The following BLOC1S5 variants were observed in gnomAD, a reference collection of about 807,000 sequenced individuals.
BLOC1S5 encodes the protein biogenesis of lysosomal organelles complex 1 subunit 5.
A neutral mutation model predicts 24.3 loss-of-function variants in BLOC1S5; 27 were observed. That is an observed-to-expected ratio of 1.11 (90% confidence interval 0.82 to 1.53). BLOC1S5 has a LOEUF of 1.53. Among genes scored for constraint, BLOC1S5 ranks in the 40% most tolerant of loss-of-function variants. The pLI is 0.00. For missense variants in BLOC1S5, 239 were observed against 229.4 expected, an observed-to-expected ratio of 1.04 and a Z score of -0.27; for synonymous variants, 84 against 74.5, an observed-to-expected ratio of 1.13 and a Z score of -0.66.
rs866580833 is a variant in BLOC1S5 at position 8,015,834 on chromosome 6, A to T, written c.385-6T>A. 2 of 1,591,474 alleles carry T rather than the reference A, an allele frequency of 1.3e-6. 1 individual carries two copies. The highest frequency in any genetic ancestry group is 3.4e-4 in the Middle Eastern group (2 of 5,940). On this transcript the variant is annotated splice_polypyrimidine_tract_variant and splice_region_variant and intron_variant, in intron 4 of 4. Transcript: ENST00000397457. ...ACTAAGTGGTCACTATGAATCTGAG[A>T]AAAGAAAATTAGAAAGTCACACGAC...
chr6:8,021,348 C>G (rs376400827), intron 4 of BLOC1S5, among the ~76,000 whole-genome samples: 28 of 152,284 alleles, frequency 1.8e-4, no homozygotes, highest in African/African-American at 6.0e-4. Flanking sequence ...CCTGTAATTC[C>G]AGCACTTTGG....
intron 4 of BLOC1S5, among the ~76,000 whole-genome samples, chr6:8,023,810 G>A (rs1011277001): frequency 6.6e-6 from 1 of 152,130 alleles, no homozygotes; most frequent in Non-Finnish European, 1.5e-5. Flanking sequence ...TGACATACGT[G>A]TGTGTGCGTG....
At chr6:8,044,021 C>T (rs914564723) in intron 2 of BLOC1S5, among the ~76,000 whole-genome samples, 6 of 152,150 alleles carry the variant, frequency 3.9e-5, no homozygotes, top group African/African-American at 1.2e-4. Flanking sequence ...CGATGGCTCA[C>T]GCCTGTAATC....
intron 2 of BLOC1S5, among the ~76,000 whole-genome samples, chr6:8,047,958 T>A (rs143678153): frequency 6.6e-6 from 1 of 152,356 alleles, no homozygotes; most frequent in African/African-American, 2.4e-5. Flanking sequence ...CACTTGATTC[T>A]TTCTCCCGTA....
intron 2 of BLOC1S5, among the ~76,000 whole-genome samples, chr6:8,052,115 C>T (rs2743996): frequency 0.41 from 61,721 of 151,324 alleles, 14,480 homozygotes; most frequent in East Asian, 0.8. Context: ...TACAGGCGCC[C>T]GCCACCACGC....
intron 3 of BLOC1S5, among the ~76,000 whole-genome samples, chr6:8,028,150 A>G (rs933960250): frequency 3.4e-4 from 52 of 152,268 alleles, no homozygotes; most frequent in African/African-American, 1.2e-3. Flanking sequence ...TCCGGCCCCA[A>G]CTAGGTCACA....
chr6:8,020,464 C>T (rs537653240), intron 4 of BLOC1S5, among the ~76,000 whole-genome samples: 1 of 152,216 alleles, frequency 6.6e-6, no homozygotes, highest in African/African-American at 2.4e-5. Context: ...GGGGCCAGTT[C>T]TTCTCCCCCA....
intron 2 of BLOC1S5, among the ~76,000 whole-genome samples, chr6:8,050,955 C>T (rs567332999): frequency 2.0e-5 from 3 of 151,526 alleles, no homozygotes; most frequent in South Asian, 2.1e-4. Context: ...ATTGGGAGGC[C>T]GAGGTGGGCA....
Position 8,047,160 on chromosome 6 carries a change from TCA to T in BLOC1S5, c.196-5894_196-5893del, listed in dbSNP as rs57923927. ...AAGACCACCTCTCTCTCTCTCTCTC[TCA>T]CACACACACACACACACACACACAC... On this transcript the variant is annotated intron_variant, in intron 2 of 4. Coordinates refer to ENST00000397457, the MANE Select transcript of BLOC1S5 (RefSeq NM_201280.3). 7.6e-3 allele frequency among the ~76,000 whole-genome samples: 963 copies of T among 126,896 alleles called. 6 individuals are homozygous for T. Among genetic ancestry groups the T allele is most frequent in the African/African-American group, 0.02 (641 of 31,720 alleles). 83.2% of individuals were successfully genotyped at this position (126,896 alleles called of 152,430 possible). A position where few individuals can be genotyped will look rare whatever the true frequency, so the allele number is the denominator to read the frequency against.
intron 3 of BLOC1S5, among the ~76,000 whole-genome samples, chr6:8,039,308 T>A (rs541039315): frequency 6.6e-6 from 1 of 152,052 alleles, no homozygotes; most frequent in Non-Finnish European, 1.5e-5. Context: ...GAGGAGGGCA[T>A]GAGGAAAGGT....
rs190920450 is a variant in BLOC1S5, at chr6:8,029,952, G to A, written c.326-3527C>T. 2.2e-3 allele frequency among the ~76,000 whole-genome samples: 330 copies of A among 152,234 alleles called. 2 individuals carry two copies. The highest frequency in any genetic ancestry group is 7.4e-3 in the African/African-American group (306 of 41,546). ...ATAACTAATGCTTCAATGCCAAGAC[G>A]CAGATGTACATCCACAAGAAACAAC... On this transcript the variant is annotated intron_variant, in intron 3 of 4. Coordinates refer to ENST00000397457, the MANE Select transcript of BLOC1S5 (RefSeq NM_201280.3).
At position 8,015,774 on chromosome 6, in the gene BLOC1S5, T is replaced by C. The variant is rs34176903; in HGVS notation, c.439A>G (p.Asn147Asp). 2,693 of 1,614,178 alleles carry C rather than the reference T, an allele frequency of 1.7e-3. 33 individuals are homozygous for C. In the African/African-American group the frequency reaches 0.027, roughly 16 times the overall value. ...SEKQHMLQWD[N>D]FMKEQPNKRA... ...TTGTTGGGTTGCTCCTTCATGAAGT[T>C]GTCCCACTGGAGCATATGCTGTTTC... The change falls in exon 5 of 5, where the codon AAC (asparagine) becomes GAC (aspartate). Residue 147 changes from asparagine to aspartate, a missense_variant. By Grantham distance (23) the Asn-to-Asp change is conservative. Transcript: ENST00000397457.
chr6:8,013,836 G>C lies in BLOC1S5; in HGVS notation c.*1813C>G, dbSNP rs115164957. ...TTTCTTTTTCCATCCACTGAATTAA[G>C]AAAATTCCAACATGCCTTGGTGTCA... On this transcript the variant is annotated 3_prime_UTR_variant, in exon 5 of 5. Transcript: ENST00000397457. The C allele has an allele frequency of 2.2e-3, 335 of 152,224 alleles. 3 individuals carry two copies. The highest frequency in any genetic ancestry group is 7.6e-3 in the African/African-American group (315 of 41,530). 9.4% of individuals were successfully genotyped at this position (152,224 alleles called of 1,614,324 possible).
chr6:8,056,066 T>C (rs1229629017), intron 2 of BLOC1S5, among the ~76,000 whole-genome samples: 1 of 152,208 alleles, frequency 6.6e-6, no homozygotes, highest in Non-Finnish European at 1.5e-5. Context: ...TTAACTTTTC[T>C]TACCTTCTGC....
chr6:8,024,334 T>A lies in BLOC1S5; in HGVS notation c.384+2033A>T, dbSNP rs556889825. ...CGAGGTCAGGAGTTCGAGACCAGCC[T>A]GGCCAACATGGCAAATCCCTGTCTC... On this transcript the variant is annotated intron_variant, in intron 4 of 4. Transcript: ENST00000397457. 2.6e-5 allele frequency among the ~76,000 whole-genome samples: 4 copies of A among 151,966 alleles called. No individual in the cohort carries two copies. The South Asian group carries it at 8.3e-4, about 32-fold the overall frequency.
chr6:8,047,855 G>A (rs1057506216), intron 2 of BLOC1S5, among the ~76,000 whole-genome samples: 1 of 152,150 alleles, frequency 6.6e-6, no homozygotes, highest in South Asian at 2.1e-4. Flanking sequence ...TTCTGTCTTT[G>A]TTTACTAGCA....
intron 4 of BLOC1S5, among the ~76,000 whole-genome samples, chr6:8,022,248 T>A (rs1290891179): frequency 6.7e-6 from 1 of 149,086 alleles, no homozygotes; most frequent in Non-Finnish European, 1.5e-5. Flanking sequence ...TGGCATCTAG[T>A]AGGCAGAGGT....
chr6:8,053,110 T>C (rs1426939139), intron 2 of BLOC1S5, among the ~76,000 whole-genome samples: 1 of 152,152 alleles, frequency 6.6e-6, no homozygotes, highest in African/African-American at 2.4e-5. Flanking sequence ...CCCACTTTAA[T>C]CAAAAGCTAG....
intron 3 of BLOC1S5, among the ~76,000 whole-genome samples, chr6:8,030,300 C>T (rs141644139): frequency 0.039 from 5,902 of 151,904 alleles, 362 homozygotes; most frequent in African/African-American, 0.13. Context: ...GATGGGACTA[C>T]AGGCATGCAC....
Sources: gnomAD v4.1 joint callset for allele counts (sites outside exome capture counted in the v4.1 genomes callset) on GRCh38, gnomAD v4.1.1 for gene constraint, MANE v1.5 for transcripts, NCBI Gene and HGNC (gene_info 2026-07-23, HGNC 2026-07-21) for gene names.